Variants in SLC17A6 observed in about 807,000 individuals in gnomAD.
SLC17A6 encodes the protein solute carrier family 17 member 6.
SLC17A6 carries 35 observed loss-of-function variants against 67.1 expected under a neutral mutation model. That is an observed-to-expected ratio of 0.52 (90% CI 0.40 to 0.69). The LOEUF is 0.69. Ranked by LOEUF, SLC17A6 falls within the 30% of genes least tolerant of loss-of-function variation. The pLI is 0.00. For synonymous variants in SLC17A6, 285 were observed against 252.3 expected (o/e 1.13, Z -1.23); for missense variants, 588 against 723.9 (o/e 0.81, Z 2.15).
intron 10 of SLC17A6, 143 bp from the exon 11 acceptor site, chr11:22,376,402 T>C (rs752279129): frequency 2.2e-4 from 192 of 855,582 alleles, no homozygotes; most frequent in Non-Finnish European, 3.2e-4. Context: ...TCTCATTATA[T>C]CCCCGAGAGA....
At chr11:22,365,711 A>G (rs1856104461) in intron 7 of SLC17A6, 22 bp downstream of exon 7, 3 of 1,606,250 alleles carry the variant, frequency 1.9e-6, no homozygotes, top group African/African-American at 1.3e-5. Context: ...ATTATGGTGT[A>G]TATTCCTATC....
intron 8 of SLC17A6, 45 bp from the exon 9 acceptor site, chr11:22,374,710 T>G: frequency 6.8e-7 from 1 of 1,479,420 alleles, no homozygotes. Flanking sequence ...TTGCCCATAT[T>G]ATTTATGGTT....
intron 5 of SLC17A6, chr11:22,361,274 T>C (rs1856049024): frequency 4.4e-6 from 1 of 227,316 alleles, no homozygotes; most frequent in African/African-American, 2.3e-5. Flanking sequence ...GTCCATTTTT[T>C]TGAGAACCTC....
intron 2 of SLC17A6, chr11:22,343,028 C>A: frequency 1.6e-6 from 1 of 610,240 alleles, no homozygotes; most frequent in Non-Finnish European, 3.0e-6. Context: ...AGCCAGTGCG[C>A]CTGGCCTCAC....
chr11:22,361,851 G>C (rs1856055706), intron 5 of SLC17A6, among the ~76,000 whole-genome samples: 1 of 152,144 alleles, frequency 6.6e-6, no homozygotes, highest in African/African-American at 2.4e-5. Context: ...TTCCAAATCA[G>C]ATATTAGAAC....
chr11:22,345,078 C>T (rs946185986), intron 3 of SLC17A6, among the ~76,000 whole-genome samples: 1 of 151,540 alleles, frequency 6.6e-6, no homozygotes, highest in African/African-American at 2.4e-5. Context: ...GGGTTTTTTT[C>T]AGAGTCAAAA....
At chr11:22,342,250 G>A (rs144433743) in intron 2 of SLC17A6, among the ~76,000 whole-genome samples, 1 of 152,288 alleles carries the variant, frequency 6.6e-6, no homozygotes, top group African/African-American at 2.4e-5. Flanking sequence ...CTTTCGGAAG[G>A]TTTACCTCCC....
intron 10 of SLC17A6, 27 bp downstream of exon 10, chr11:22,376,119 CT>C (rs1856229994): frequency 2.6e-6 from 4 of 1,515,922 alleles, no homozygotes; most frequent in Non-Finnish European, 3.6e-6. Context: ...TTTCTTTGTA[CT>C]TGGGACATTC....
chr11:22,341,855 C>T, intron 2 of SLC17A6, 75 bp downstream of exon 2: 1 of 1,522,042 alleles, frequency 6.6e-7, no homozygotes, highest in Non-Finnish European at 8.8e-7. Flanking sequence ...CCTGTTTGAG[C>T]CCCGTTCCCC....
At chr11:22,343,103 G>C in intron 2 of SLC17A6, 144 bp from the exon 3 acceptor site, 1 of 744,258 alleles carries the variant, frequency 1.3e-6, no homozygotes, top group South Asian at 1.5e-5. Context: ...ATTTTGTTAG[G>C]AAACGAAAAT....
chr11:22,374,659 A>G lies in SLC17A6; in HGVS notation c.1042-96A>G, dbSNP rs536320615. ...AAGATTATTTTTCCTTCCTTTGTCC[A>G]TAAAGATGTGATGACAGATTCAGAA... On this transcript the variant is annotated intron_variant, in intron 8 of 11. Coordinates refer to ENST00000263160, the MANE Select transcript of SLC17A6 (RefSeq NM_020346.3). 66 of 1,031,768 alleles carry G rather than the reference A, an allele frequency of 6.4e-5. 1 individual carries two copies. The South Asian group carries it at 1.2e-3, about 19-fold the overall frequency. The allele number at this position is 1,031,768 out of a possible 1,614,324, so 63.9% of individuals were successfully genotyped here. A position where few individuals can be genotyped will look rare whatever the true frequency, so the allele number is the denominator to read the frequency against.
At chr11:22,361,196 A>G in intron 5 of SLC17A6, 1 of 458,602 alleles carries the variant, frequency 2.2e-6, no homozygotes, top group Admixed American at 3.7e-5. Flanking sequence ...TTTTTCTAGG[A>G]ATTGATCCAT....
At chr11:22,343,566 T>C (rs1590377958) in intron 3 of SLC17A6, among the ~76,000 whole-genome samples, 3 of 152,322 alleles carry the variant, frequency 2.0e-5, no homozygotes, top group African/African-American at 7.2e-5. Flanking sequence ...ATGTAGGCTC[T>C]CTGGGACCAG....
intron 7 of SLC17A6, among the ~76,000 whole-genome samples, chr11:22,367,526 G>A (rs750080714): frequency 3.9e-5 from 6 of 152,074 alleles, no homozygotes; most frequent in Admixed American, 1.3e-4. Flanking sequence ...GGAGTGGGTG[G>A]AAGATTGCTA....
At chr11:22,356,704 C>T (rs572777068) in intron 3 of SLC17A6, among the ~76,000 whole-genome samples, 184 of 152,192 alleles carry the variant, frequency 1.2e-3, no homozygotes, top group African/African-American at 4.3e-3. Context: ...GGCATGTTGG[C>T]GTGGGCCTGT....
intron 3 of SLC17A6, among the ~76,000 whole-genome samples, chr11:22,358,613 A>G (rs947526793): frequency 1.3e-5 from 2 of 152,188 alleles, no homozygotes; most frequent in African/African-American, 4.8e-5. Context: ...GGTTTACAGG[A>G]GTGAGCCACT....
chr11:22,338,809 T>C (rs975043786), intron 1 of SLC17A6, among the ~76,000 whole-genome samples, 190 bp downstream of exon 1: 98 of 125,896 alleles, frequency 7.8e-4, no homozygotes, highest in African/African-American at 3.3e-3. Context: ...AATGAACCTG[T>C]CTGGTGTGTG....
At chr11:22,354,235 C>T (rs968742578) in intron 3 of SLC17A6, among the ~76,000 whole-genome samples, 8 of 152,140 alleles carry the variant, frequency 5.3e-5, no homozygotes, top group South Asian at 2.1e-4. Flanking sequence ...AGGTGCCCAC[C>T]GCCACACGCA....
chr11:22,365,451 T>C, intron 6 of SLC17A6, 96 bp from the exon 7 acceptor site: 1 of 1,318,516 alleles, frequency 7.6e-7, no homozygotes, highest in Non-Finnish European at 1.1e-6. Flanking sequence ...TTCTTCTTTC[T>C]AATAGAATAT....
Sources: allele counts gnomAD v4.1 joint callset (sites outside exome capture counted in the v4.1 genomes callset), GRCh38; gene constraint gnomAD v4.1.1; transcripts MANE v1.5; gene names NCBI Gene and HGNC (gene_info 2026-07-23, HGNC 2026-07-21).